PLCB1: variants seen among roughly 807,000 people sequenced by gnomAD.
The protein encoded by PLCB1 is phospholipase C beta 1, also known as 1-phosphatidylinositol 4,5-bisphosphate phosphodiesterase beta-1.
In PLCB1, 46 loss-of-function variants were observed where a neutral mutation model predicts 161.8. The observed-to-expected ratio is 0.28, with a 90% confidence interval of 0.22 to 0.36. The LOEUF (loss-of-function observed/expected upper bound fraction) is 0.36, where lower values mean the gene tolerates loss of function less well. Ranked by LOEUF, PLCB1 falls within the 10% of genes least tolerant of loss-of-function variation. The pLI is 1.00. For synonymous variants in PLCB1, 517 were observed against 503.7 expected, an observed-to-expected ratio of 1.03 and a Z score of -0.35; for missense variants, 1,016 against 1,472.5, an observed-to-expected ratio of 0.69 and a Z score of 5.07.
chr20:8,172,554 A>G (rs1379544929), intron 2 of PLCB1, among the ~76,000 whole-genome samples: 5 of 152,198 alleles, frequency 3.3e-5, no homozygotes, highest in African/African-American at 4.8e-5. Context: ...GGTTTTTACA[A>G]CCATTGTAAG....
intron 2 of PLCB1, among the ~76,000 whole-genome samples, chr20:8,275,029 A>G (rs182772431): frequency 3.1e-4 from 47 of 152,136 alleles, no homozygotes; most frequent in African/African-American, 8.9e-4. Flanking sequence ...CTTTTAAAGT[A>G]TTGGTGACTT....
intron 3 of PLCB1, among the ~76,000 whole-genome samples, chr20:8,573,918 G>A (rs1986598724): frequency 6.6e-6 from 1 of 152,194 alleles, no homozygotes; most frequent in Admixed American, 6.5e-5. Flanking sequence ...CATTTTTGCA[G>A]CTAGCAGCTG....
intron 3 of PLCB1, among the ~76,000 whole-genome samples, chr20:8,450,818 T>C (rs1203304697): frequency 6.6e-6 from 1 of 152,328 alleles, no homozygotes; most frequent in East Asian, 1.9e-4. Context: ...AAGCTAATGT[T>C]ACCCTGGACA....
At chr20:8,272,641 C>T (rs569168280) in intron 2 of PLCB1, among the ~76,000 whole-genome samples, 3 of 152,222 alleles carry the variant, frequency 2.0e-5, no homozygotes, top group Non-Finnish European at 4.4e-5. Flanking sequence ...AAACCAGTTT[C>T]CCAGGTTGTT....
At chr20:8,744,119 C>A in intron 23 of PLCB1, among the ~76,000 whole-genome samples, 1 of 152,024 alleles carries the variant, frequency 6.6e-6, no homozygotes, top group African/African-American at 2.4e-5. Context: ...ACCCCTATGA[C>A]ACACCTATAT....
chr20:8,701,098 C>A lies in PLCB1; in HGVS notation c.1167+3315C>A, dbSNP rs551343077. The stretch of plus-strand genomic sequence containing the variant: ...ATTTTGCACATAGTCGCCTCTCTTG[C>A]CTCATCCTAGTCCCAACACTGCTTG... On this transcript the variant is annotated intron_variant, in intron 11 of 31. Coordinates refer to ENST00000338037, the MANE Select transcript of PLCB1 (RefSeq NM_015192.4). Among the ~76,000 whole-genome samples the A allele has an allele frequency of 9.8e-5, 15 of 152,312 alleles. No homozygotes were observed. The East Asian group carries it at 2.7e-3, about 27-fold the overall frequency.
rs1162572560 is a variant in PLCB1, at chr20:8,668,812, ATAT to A, written c.862+10114_862+10116del. Among the ~76,000 whole-genome samples, 12 of 152,312 alleles carry A rather than the reference ATAT, an allele frequency of 7.9e-5. No individual in the cohort carries two copies. The East Asian group carries it at 2.1e-3, about 27-fold the overall frequency. On this transcript the variant is annotated intron_variant, in intron 9 of 31. Coordinates refer to ENST00000338037, the MANE Select transcript of PLCB1 (RefSeq NM_015192.4). ...TGGAGCACCAGTACAGTCTGCTATG[ATAT>A]TATTACCAGCAAAACACTATTCACG...
At chr20:8,139,296 A>T (rs1473955092) in intron 1 of PLCB1, among the ~76,000 whole-genome samples, 1 of 152,002 alleles carries the variant, frequency 6.6e-6, no homozygotes, top group East Asian at 1.9e-4. Flanking sequence ...GGGTTTTGCC[A>T]TGTTGGCCAG....
intron 27 of PLCB1, among the ~76,000 whole-genome samples, chr20:8,782,117 G>A (rs938635225): frequency 2.6e-5 from 4 of 152,178 alleles, no homozygotes; most frequent in Admixed American, 2.0e-4. Context: ...GTTCTATTTA[G>A]CTATGGAAAT....
At chr20:8,822,919 A>G (rs1382541376) in intron 31 of PLCB1, among the ~76,000 whole-genome samples, 1 of 152,228 alleles carries the variant, frequency 6.6e-6, no homozygotes, top group Non-Finnish European at 1.5e-5. Context: ...AACCAACTGC[A>G]GATCAGAAAT....
chr20:8,458,599 A>G (rs1258308212), intron 3 of PLCB1, among the ~76,000 whole-genome samples: 1 of 152,208 alleles, frequency 6.6e-6, no homozygotes, highest in Non-Finnish European at 1.5e-5. Context: ...ACGTCCTTAG[A>G]TGAAACAGAG....
intron 3 of PLCB1, among the ~76,000 whole-genome samples, chr20:8,436,327 CAAAA>C (rs11468737): frequency 2.6e-5 from 3 of 115,358 alleles, no homozygotes; most frequent in Non-Finnish European, 3.7e-5. Context: ...GAGACCCTGT[CAAAA>C]AAAAAAAAAA....
intron 23 of PLCB1, among the ~76,000 whole-genome samples, chr20:8,755,625 G>A (rs540831496): frequency 6.6e-6 from 1 of 152,156 alleles, no homozygotes; most frequent in East Asian, 1.9e-4. Flanking sequence ...GGAGGGTGTC[G>A]AATGAAGATT....
intron 7 of PLCB1, chr20:8,653,678 G>C (rs968449453): frequency 2.6e-5 from 4 of 151,774 alleles, no homozygotes; most frequent in Non-Finnish European, 5.9e-5. Context: ...CGAAATTTAA[G>C]TACCCATTTC....
At chr20:8,586,496 G>A (rs1410590439) in intron 3 of PLCB1, among the ~76,000 whole-genome samples, 1 of 149,598 alleles carries the variant, frequency 6.7e-6, no homozygotes, top group Non-Finnish European at 1.5e-5. Context: ...TGGTAAGTAG[G>A]GAAAAACGTA....
chr20:8,821,567 C>A (rs1985420904), intron 31 of PLCB1, among the ~76,000 whole-genome samples: 22 of 122,694 alleles, frequency 1.8e-4, no homozygotes, highest in East Asian at 5.0e-4. Context: ...ATTTAAATGA[C>A]ACTTTTAAAA....
intron 9 of PLCB1, among the ~76,000 whole-genome samples, chr20:8,661,475 C>A (rs1989619938): frequency 6.6e-6 from 1 of 152,064 alleles, no homozygotes. Flanking sequence ...CAGGGGACTC[C>A]AGCACCCGTT....
intron 3 of PLCB1, among the ~76,000 whole-genome samples, chr20:8,391,785 G>A (rs62195928): frequency 1.0e-4 from 12 of 115,158 alleles, no homozygotes; most frequent in East Asian, 5.3e-4. Context: ...ATATGTGTGT[G>A]TATATATATA....
intron 31 of PLCB1, among the ~76,000 whole-genome samples, chr20:8,832,674 A>T (rs775296469): frequency 3.3e-5 from 5 of 152,236 alleles, no homozygotes; most frequent in Non-Finnish European, 7.3e-5. Flanking sequence ...AGAGAAAAGA[A>T]TCAGAATCGA....
Sources: gnomAD v4.1 joint callset for allele counts (sites outside exome capture counted in the v4.1 genomes callset) on GRCh38, gnomAD v4.1.1 for gene constraint, MANE v1.5 for transcripts, NCBI Gene and HGNC (gene_info 2026-07-23, HGNC 2026-07-21) for gene names.